Variants in TMEM108 observed in about 807,000 individuals in gnomAD.
TMEM108 encodes transmembrane protein 108, also known as cancer/testis antigen 124.
Under a neutral mutation model 35.1 loss-of-function variants are expected in TMEM108, and 12 were observed. The ratio of observed to expected loss-of-function variants is 0.34; its 90% CI spans 0.22 to 0.55. The LOEUF (loss-of-function observed/expected upper bound fraction) is 0.55, where lower values mean the gene tolerates loss of function less well. Ranked by LOEUF, TMEM108 falls within the 20% of genes least tolerant of loss-of-function variation. The pLI, the probability that TMEM108 is intolerant of heterozygous loss-of-function variation, is 0.89. For synonymous variants in TMEM108, 287 were observed against 308.6 expected (o/e 0.93, Z 0.73); for missense variants, 680 against 753.3 (o/e 0.90, Z 1.14).
At chr3:133,080,605 A>C (rs1361629293) in intron 2 of TMEM108, among the ~76,000 whole-genome samples, 1 of 152,144 alleles carries the variant, frequency 6.6e-6, no homozygotes, top group East Asian at 1.9e-4. Context: ...CTCTTTGTTC[A>C]TATCTCTTCA....
At chr3:133,183,125 G>A (rs766494349) in intron 2 of TMEM108, among the ~76,000 whole-genome samples, 16 of 152,030 alleles carry the variant, frequency 1.1e-4, no homozygotes, top group Non-Finnish European at 1.5e-4. Flanking sequence ...TGAGTGTCAC[G>A]TTGACATTCA....
At chr3:133,278,991 T>C (rs1206471091) in intron 3 of TMEM108, among the ~76,000 whole-genome samples, 2 of 152,188 alleles carry the variant, frequency 1.3e-5, no homozygotes, top group East Asian at 3.8e-4. Flanking sequence ...AACACCACCC[T>C]TGAGTTGATT....
chr3:133,306,031 G>T (rs1302541595), intron 3 of TMEM108, among the ~76,000 whole-genome samples: 1 of 151,962 alleles, frequency 6.6e-6, no homozygotes, highest in African/African-American at 2.4e-5. Flanking sequence ...TTCTCCTGTG[G>T]CTTATATTTT....
chr3:133,175,812 C>T lies in TMEM108; in HGVS notation c.-46-53454C>T, dbSNP rs184968906. Reference sequence around the variant, plus strand: ...ACATCATAATGACAGATCAAATTCACACATAACAAAATTAACCTTAAATGT... The same window carrying T: ...ACATCATAATGACAGATCAAATTCATACATAACAAAATTAACCTTAAATGT... On this transcript the variant is annotated intron_variant, in intron 2 of 5. Coordinates refer to ENST00000321871, the MANE Select transcript of TMEM108 (RefSeq NM_023943.4). 4.5e-3 allele frequency among the ~76,000 whole-genome samples: 687 copies of T among 152,316 alleles called. 5 individuals are homozygous for T. The highest frequency in any genetic ancestry group is 0.016 in the African/African-American group (652 of 41,564).
intron 3 of TMEM108, among the ~76,000 whole-genome samples, chr3:133,237,300 A>G (rs797021290): frequency 5.3e-5 from 8 of 152,226 alleles, no homozygotes; most frequent in African/African-American, 1.9e-4. Context: ...CCCTGGATGC[A>G]TTTGGATACT....
intron 2 of TMEM108, among the ~76,000 whole-genome samples, chr3:133,097,039 A>G (rs1365528004): frequency 6.6e-6 from 1 of 152,214 alleles, no homozygotes; most frequent in Non-Finnish European, 1.5e-5. Flanking sequence ...GGACTAAAAC[A>G]TGGTTAGATT....
chr3:133,141,985 A>T (rs927481388), intron 2 of TMEM108, among the ~76,000 whole-genome samples: 1 of 152,202 alleles, frequency 6.6e-6, no homozygotes, highest in Non-Finnish European at 1.5e-5. Context: ...TGGGGAGAAG[A>T]GGGGCAGGCT....
chr3:133,094,240 C>CACCCCCCAACCCCCA (rs1553732641), intron 2 of TMEM108, among the ~76,000 whole-genome samples: 6 of 110,850 alleles, frequency 5.4e-5, no homozygotes, highest in Non-Finnish European at 1.1e-4. Context: ...CCCACCCCCC[C>CACCCCCCAACCCCCA]CACACACACG....
At chr3:133,146,491 G>A (rs1215713633) in intron 2 of TMEM108, among the ~76,000 whole-genome samples, 1 of 152,176 alleles carries the variant, frequency 6.6e-6, no homozygotes, top group Non-Finnish European at 1.5e-5. Flanking sequence ...AATGAGTTAG[G>A]GAGGAGTCCC....
At chr3:133,259,235 A>T (rs146440997) in intron 3 of TMEM108, among the ~76,000 whole-genome samples, 71 of 152,328 alleles carry the variant, frequency 4.7e-4, no homozygotes, top group African/African-American at 1.7e-3. Context: ...CTGTGGTGAG[A>T]TGTCATTCTT....
At chr3:133,338,899 G>T (rs1251584055) in intron 3 of TMEM108, among the ~76,000 whole-genome samples, 1 of 151,708 alleles carries the variant, frequency 6.6e-6, no homozygotes, top group South Asian at 2.1e-4. Flanking sequence ...TAAAATAATG[G>T]GTTATAAGAT....
intron 3 of TMEM108, among the ~76,000 whole-genome samples, chr3:133,232,155 C>A (rs1205465507): frequency 6.6e-6 from 1 of 152,166 alleles, no homozygotes; most frequent in Non-Finnish European, 1.5e-5. Context: ...GTTTGGATAT[C>A]TGATCCCTCC....
intron 2 of TMEM108, among the ~76,000 whole-genome samples, chr3:133,158,940 T>C (rs182318246): frequency 1.2e-4 from 18 of 152,166 alleles, no homozygotes; most frequent in African/African-American, 1.7e-4. Context: ...AGGCCATGTA[T>C]ATGTGTTTAG....
At chr3:133,164,104 T>C (rs1945000599) in intron 2 of TMEM108, among the ~76,000 whole-genome samples, 1 of 152,120 alleles carries the variant, frequency 6.6e-6, no homozygotes, top group Non-Finnish European at 1.5e-5. Flanking sequence ...AGAATTGGAC[T>C]CTTAGATCAA....
intron 2 of TMEM108, among the ~76,000 whole-genome samples, chr3:133,088,190 C>T (rs1559828680): frequency 6.6e-6 from 1 of 151,988 alleles, no homozygotes; most frequent in African/African-American, 2.4e-5. Context: ...AACAGCTATC[C>T]AGCAGTGGTA....
At chr3:133,378,424 G>A in intron 3 of TMEM108, 1 of 985,508 alleles carries the variant, frequency 1.0e-6, no homozygotes, top group African/African-American at 1.7e-5. Flanking sequence ...ATCTGATGGA[G>A]GAAAGACGCT....
intron 2 of TMEM108, among the ~76,000 whole-genome samples, chr3:133,225,784 T>C (rs1186059505): frequency 6.6e-6 from 1 of 152,226 alleles, no homozygotes; most frequent in Non-Finnish European, 1.5e-5. Flanking sequence ...AAACACTTAT[T>C]GTTCTAGTTG....
At chr3:133,367,566 C>T (rs1360538955) in intron 3 of TMEM108, among the ~76,000 whole-genome samples, 1 of 152,224 alleles carries the variant, frequency 6.6e-6, no homozygotes, top group African/African-American at 2.4e-5. Context: ...TCGTTCCAGG[C>T]AAACTGGAGC....
rs538602712 is a variant in TMEM108, at chr3:133,206,500, T to C, written c.-46-22766T>C. 7.9e-5 allele frequency among the ~76,000 whole-genome samples: 12 copies of C among 152,334 alleles called. No homozygotes were observed. In the East Asian group the frequency reaches 1.3e-3, roughly 17 times the overall value. ...GGGATTGTTGTGTTGACATCCTTTT[T>C]GTTGATGTTGATGCTATTCCTTTCC... On this transcript the variant is annotated intron_variant, in intron 2 of 5. Transcript: ENST00000321871.
Sources: allele counts gnomAD v4.1 joint callset (sites outside exome capture counted in the v4.1 genomes callset), GRCh38; gene constraint gnomAD v4.1.1; transcripts MANE v1.5; gene names NCBI Gene and HGNC (gene_info 2026-07-23, HGNC 2026-07-21).